ADHFE1: variants seen among roughly 807,000 people sequenced by gnomAD.
ADHFE1 encodes the protein alcohol dehydrogenase iron containing 1.
A neutral mutation model predicts 54.8 loss-of-function variants in ADHFE1; 37 were observed. The ratio of observed to expected loss-of-function variants is 0.68; its 90% CI spans 0.52 to 0.89. ADHFE1 has a LOEUF of 0.89. Ranked by LOEUF, ADHFE1 falls within the 40% of genes least tolerant of loss-of-function variation. The pLI, the probability that ADHFE1 is intolerant of heterozygous loss-of-function variation, is 0.00. For missense variants in ADHFE1, 601 were observed against 591.2 expected, an observed-to-expected ratio of 1.02 and a Z score of -0.17; for synonymous variants, 203 against 229.3, an observed-to-expected ratio of 0.89 and a Z score of 1.04.
Position 66,468,540 on chromosome 8 carries a change from G to C in ADHFE1, c.*188G>C, listed in dbSNP as rs1807313387. The stretch of plus-strand genomic sequence containing the variant: ...CCAGTTCCTTCCATAAAACAGGCTG[G>C]ACAAATGACCACTATGTTAGACCCC... On this transcript the variant is annotated 3_prime_UTR_variant, in exon 14 of 14. Coordinates refer to ENST00000396623, the MANE Select transcript of ADHFE1 (RefSeq NM_144650.3). The C allele has an allele frequency of 5.0e-6, 2 of 401,070 alleles. No individual in the cohort carries two copies. Among genetic ancestry groups the C allele is most frequent in the South Asian group, 7.3e-5 (2 of 27,450 alleles). The allele number at this position is 401,070 out of a possible 1,614,324, so 24.8% of individuals were successfully genotyped here. A position where few individuals can be genotyped will look rare whatever the true frequency, so the allele number is the denominator to read the frequency against.
chr8:66,451,902 A>G (rs1313133939), intron 8 of ADHFE1, 51 bp from the exon 9 acceptor site: 2 of 1,592,598 alleles, frequency 1.3e-6, no homozygotes, highest in Admixed American at 3.4e-5. Flanking sequence ...AAATGGAGGG[A>G]AGGAGGAAGA....
intron 1 of ADHFE1, among the ~76,000 whole-genome samples, chr8:66,437,299 C>A (rs535709759): frequency 6.6e-6 from 1 of 152,176 alleles, no homozygotes; most frequent in South Asian, 2.1e-4. Context: ...TGCTGGCAGT[C>A]CTTGAGTAGA....
intron 7 of ADHFE1, 38 bp downstream of exon 7, chr8:66,447,379 C>A: frequency 7.1e-7 from 1 of 1,415,004 alleles, no homozygotes; most frequent in Non-Finnish European, 1.0e-6. Context: ...CCTTACCTTT[C>A]AACTCCACAC....
rs200423919 is a variant in ADHFE1, at chr8:66,452,106, G to C, written c.887+1G>C. ...GGATCGTGGCTAAGTATCTGAAGAG[G>C]TATGTCACCCCGAAGGGGATAGAAA... is the stretch of plus-strand genomic sequence containing the variant. On this transcript the variant is annotated splice_donor_variant, in intron 9 of 13. Transcript: ENST00000396623. LOFTEE classifies it high-confidence loss of function. 2 of 1,613,794 alleles carry C rather than the reference G, an allele frequency of 1.2e-6. No homozygotes were observed. Among genetic ancestry groups the C allele is most frequent in the African/African-American group, 1.3e-5 (1 of 74,924 alleles).
At chr8:66,449,578 GT>G (rs1806197056) in intron 8 of ADHFE1, among the ~76,000 whole-genome samples, 1 of 152,214 alleles carries the variant, frequency 6.6e-6, no homozygotes, top group African/African-American at 2.4e-5. Flanking sequence ...CTTACTGTAT[GT>G]TCCCTCGGCT....
intron 1 of ADHFE1, among the ~76,000 whole-genome samples, chr8:66,434,834 C>G (rs1008297440): frequency 6.6e-6 from 1 of 152,234 alleles, no homozygotes; most frequent in Non-Finnish European, 1.5e-5. Context: ...ATGTGCAGCC[C>G]TGCACAGGGT....
intron 13 of ADHFE1, among the ~76,000 whole-genome samples, chr8:66,466,553 A>T (rs1563497088): frequency 6.6e-6 from 1 of 151,610 alleles, no homozygotes; most frequent in African/African-American, 2.4e-5. Context: ...TACCAGACAA[A>T]ACAAATACCT....
At chr8:66,435,563 C>T (rs915316744) in intron 1 of ADHFE1, among the ~76,000 whole-genome samples, 1 of 150,304 alleles carries the variant, frequency 6.7e-6, no homozygotes, top group Non-Finnish European at 1.5e-5. Flanking sequence ...GCATTTAGGG[C>T]CCACACAGAT....
chr8:66,437,068 G>A (rs996121862), intron 1 of ADHFE1, among the ~76,000 whole-genome samples: 9 of 152,198 alleles, frequency 5.9e-5, no homozygotes, highest in African/African-American at 2.2e-4. Flanking sequence ...GTTCCAGAGG[G>A]AATGGGAGAA....
At chr8:66,444,111 C>G (rs111451848) in intron 3 of ADHFE1, among the ~76,000 whole-genome samples, 20 of 151,876 alleles carry the variant, frequency 1.3e-4, no homozygotes, top group African/African-American at 4.8e-4. Context: ...GCATTTGAAG[C>G]TAAGGGAACA....
At chr8:66,462,440 A>G (rs998420023) in intron 13 of ADHFE1, among the ~76,000 whole-genome samples, 1 of 152,138 alleles carries the variant, frequency 6.6e-6, no homozygotes, top group African/African-American at 2.4e-5. Context: ...TTTGTACACA[A>G]TAGGTCTCAC....
intron 13 of ADHFE1, among the ~76,000 whole-genome samples, chr8:66,460,810 TA>T (rs1409858597): frequency 6.6e-6 from 1 of 152,228 alleles, no homozygotes; most frequent in Non-Finnish European, 1.5e-5. Flanking sequence ...CTCCTATAAA[TA>T]ACTATGTGAA....
chr8:66,432,858 G>A (rs1805274780), intron 1 of ADHFE1: 1 of 1,215,276 alleles, frequency 8.2e-7, no homozygotes, highest in Non-Finnish European at 1.0e-6. Context: ...AGCAGGCAGT[G>A]GAGAGCTTGG....
chr8:66,435,541 CTA>C (rs1332541609), intron 1 of ADHFE1, among the ~76,000 whole-genome samples: 2 of 150,620 alleles, frequency 1.3e-5, no homozygotes, highest in African/African-American at 4.9e-5. Flanking sequence ...TTTTATAAGG[CTA>C]TGAGTGATTG....
Position 66,447,309 on chromosome 8 carries a change from T to A in ADHFE1, c.596T>A (p.Ile199Asn). ...GTGSETTGVA[I>N]FDYEHLKVKI... ...GGGAGTGAAACTACTGGGGTTGCCA[T>A]TTTTGACTATGAACACTTGAAAGTA... The change falls in exon 7 of 14, where the codon ATT (isoleucine) becomes AAT (asparagine). Residue 199 changes from isoleucine to asparagine, a missense_variant. Transcript: ENST00000396623. 2 of 1,613,594 alleles carry A rather than the reference T, an allele frequency of 1.2e-6. No individual in the cohort carries two copies. The highest frequency in any genetic ancestry group is 1.7e-6 in the Non-Finnish European group (2 of 1,179,674).
intron 8 of ADHFE1, among the ~76,000 whole-genome samples, chr8:66,451,532 T>C (rs530313867): frequency 2.8e-4 from 43 of 152,304 alleles, no homozygotes; most frequent in Middle Eastern, 3.4e-3. Flanking sequence ...TTCATAGAAA[T>C]CTGGTGTAGC....
chr8:66,445,089 A>C (rs899179470), intron 5 of ADHFE1, 129 bp from the exon 6 acceptor site: 1 of 892,686 alleles, frequency 1.1e-6, no homozygotes, highest in African/African-American at 1.7e-5. Flanking sequence ...CAACAGAATG[A>C]GACTCCGTCT....
intron 8 of ADHFE1, among the ~76,000 whole-genome samples, chr8:66,450,288 G>T (rs1282690774): frequency 6.6e-6 from 1 of 152,194 alleles, no homozygotes; most frequent in Non-Finnish European, 1.5e-5. Flanking sequence ...ATGACCCAAA[G>T]CAGCCACCCT....
At chr8:66,437,035 G>A (rs1041024231) in intron 1 of ADHFE1, among the ~76,000 whole-genome samples, 8 of 152,084 alleles carry the variant, frequency 5.3e-5, no homozygotes, top group South Asian at 2.1e-4. Flanking sequence ...CAGTTGAGTC[G>A]GGGTAAAAGC....
Sources: gnomAD v4.1 joint callset for allele counts (sites outside exome capture counted in the v4.1 genomes callset) on GRCh38, gnomAD v4.1.1 for gene constraint, MANE v1.5 for transcripts, NCBI Gene and HGNC (gene_info 2026-07-23, HGNC 2026-07-21) for gene names.